The following FSIP2 variants were observed in gnomAD, a reference collection of about 807,000 sequenced individuals.
FSIP2 encodes fibrous sheath interacting protein 2.
Under a neutral mutation model 510.5 loss-of-function variants are expected in FSIP2, and 367 were observed. That is an observed-to-expected ratio of 0.72 (90% confidence interval 0.66 to 0.78). The LOEUF (loss-of-function observed/expected upper bound fraction) is 0.78. FSIP2 is among the 30% of genes least tolerant of loss of function. The pLI, the probability that FSIP2 is intolerant of heterozygous loss-of-function variation, is 0.00. For missense variants in FSIP2, 7,594 were observed against 7,901.7 expected, an observed-to-expected ratio of 0.96 and a Z score of 1.48; for synonymous variants, 2,601 against 2,732.2, an observed-to-expected ratio of 0.95 and a Z score of 1.50.
Position 185,790,867 on chromosome 2 carries a change from C to G in FSIP2, c.3731C>G (p.Pro1244Arg). 6.5e-7 allele frequency: 1 copy of G among 1,532,358 alleles called. No homozygotes were observed. Among genetic ancestry groups the G allele is most frequent in the African/African-American group, 1.4e-5 (1 of 72,862 alleles). The allele number at this position is 1,532,358 out of a possible 1,614,324, so 94.9% of individuals were successfully genotyped here. The change falls in exon 16 of 23, where the codon CCC (proline) becomes CGC (arginine). Residue 1244 changes from proline (P) to arginine (R), a missense_variant. Pro to Arg is a moderately radical substitution (Grantham distance 103, BLOSUM62 -2). Coordinates refer to ENST00000424728, the MANE Select transcript of FSIP2 (RefSeq NM_173651.4). ...SLFDVDPEKP[P>R]WLKSGKSEPK... ...TTTGACGTTGATCCTGAAAAGCCTC[C>G]CTGGTTAAAATCTGGAAAAAGTGAA...
chr2:185,780,675 C>CTGTT (rs1283923993), intron 13 of FSIP2, among the ~76,000 whole-genome samples: 2 of 151,590 alleles, frequency 1.3e-5, no homozygotes, highest in African/African-American at 4.8e-5. Context: ...GTTTTTGTTT[C>CTGTT]TGTTAAAAGC....
In FSIP2 at chr2:185,782,616, C is replaced by G. The variant is rs910367762; in HGVS notation, c.1412-89C>G. The G allele has an allele frequency of 3.8e-6, 3 of 794,096 alleles. No individual in the cohort carries two copies. In the African/African-American group the frequency reaches 5.1e-5, roughly 14 times the overall value. 49.2% of individuals were successfully genotyped at this position (794,096 alleles called of 1,614,324 possible). A position where few individuals can be genotyped will look rare whatever the true frequency, so the allele number is the denominator to read the frequency against. On this transcript the variant is annotated intron_variant, in intron 13 of 22. Coordinates refer to ENST00000424728, the MANE Select transcript of FSIP2 (RefSeq NM_173651.4). ...AAGCCTGTAAACGAGGCAGTGATAA[C>G]AGAAAATAAATACCTACTGGAGGAT...
Position 185,801,050 on chromosome 2 carries a change from C to T in FSIP2, c.11744C>T (p.Ser3915Phe). The T allele has an allele frequency of 1.3e-6, 2 of 1,532,150 alleles. No homozygotes were observed. Among genetic ancestry groups the T allele is most frequent in the Non-Finnish European group, 1.7e-6 (2 of 1,144,264 alleles). The allele number at this position is 1,532,150 out of a possible 1,614,324, so 94.9% of individuals were successfully genotyped here. The stretch of plus-strand genomic sequence containing the variant: ...TATGATAGTAATTCTTTGACAGTAT[C>T]CCTGAATAATCCCAGTGTGGTTAGC... ...RSYDSNSLTVSLNNPSVVSSK... is the reference protein window; with the variant it reads ...RSYDSNSLTVFLNNPSVVSSK... The change falls in exon 17 of 23, where the codon TCC (serine) becomes TTC (phenylalanine). Residue 3915 changes from serine to phenylalanine, a missense_variant. Physicochemically the swap from Ser to Phe is radical, Grantham distance 155. Coordinates refer to ENST00000424728, the MANE Select transcript of FSIP2 (RefSeq NM_173651.4).
chr2:185,738,882 GGCTGT>G lies in FSIP2; in HGVS notation c.-10_-6del. ...GGGCGGGTGAGGAAGGGGCTGAGGGGGCTGTGCCGGCCATGGAGCTGTACCTCGGC... is the reference window on the plus strand; with the variant it reads ...GGGCGGGTGAGGAAGGGGCTGAGGGGGCCGGCCATGGAGCTGTACCTCGGC... On this transcript the variant is annotated 5_prime_UTR_variant, in exon 1 of 23. Transcript: ENST00000424728. The G allele has an allele frequency of 6.5e-7, 1 of 1,535,534 alleles. No homozygotes were observed. The highest frequency in any genetic ancestry group is 1.2e-5 in the South Asian group (1 of 84,038).
intron 21 of FSIP2, among the ~76,000 whole-genome samples, chr2:185,831,437 T>C (rs866693209): frequency 1.5e-4 from 23 of 151,954 alleles, no homozygotes; most frequent in African/African-American, 5.6e-4. Context: ...AAAGTAAACA[T>C]TCTTTTTTCT....
At chr2:185,754,506 A>T (rs1351189415) in intron 8 of FSIP2, among the ~76,000 whole-genome samples, 1 of 151,266 alleles carries the variant, frequency 6.6e-6, no homozygotes, top group Non-Finnish European at 1.5e-5. Context: ...TTCCTGTGTC[A>T]CTCCAGTAGA....
In FSIP2 at chr2:185,821,639, A is replaced by G. The variant is rs192054841; in HGVS notation, c.20427-2795A>G. Among the ~76,000 whole-genome samples, 465 of 151,882 alleles carry G rather than the reference A, an allele frequency of 3.1e-3. 3 individuals carry two copies. Among genetic ancestry groups the G allele is most frequent in the Non-Finnish European group, 5.1e-3 (349 of 67,840 alleles). On this transcript the variant is annotated intron_variant, in intron 19 of 22. Transcript: ENST00000424728. ...AGTTTCAACATACAAAAATCAATCA[A>G]TAGGCCAGGCACAGTGACTCATGCC...
chr2:185,784,845 G>A (rs954915636), intron 14 of FSIP2, among the ~76,000 whole-genome samples: 2 of 151,758 alleles, frequency 1.3e-5, no homozygotes, highest in African/African-American at 2.4e-5. Context: ...TTTTTCTTTC[G>A]CCAGTTTACT....
chr2:185,744,355 A>G lies in FSIP2; in HGVS notation c.421A>G (p.Arg141Gly). The stretch of plus-strand genomic sequence containing the variant: ...TACCTTGAGAGAATTGAATAAGTAC[A>G]GGCAATATCTTACCAGTTTAAAATT... Reference protein sequence around the residue: ...VCTLRELNKYRQYLTSLKLDF... With the variant: ...VCTLRELNKYGQYLTSLKLDF... The change falls in exon 4 of 23, where the codon AGG becomes GGG. Residue 141 changes from arginine (R) to glycine (G), a missense_variant. By Grantham distance (125) the Arg-to-Gly change is moderately radical. Transcript: ENST00000424728. The G allele has an allele frequency of 8.0e-7, 1 of 1,254,932 alleles. No individual in the cohort carries two copies. The highest frequency in any genetic ancestry group is 3.0e-5 in the East Asian group (1 of 33,782). The allele number at this position is 1,254,932 out of a possible 1,614,324, so 77.7% of individuals were successfully genotyped here. A position where few individuals can be genotyped will look rare whatever the true frequency, so the allele number is the denominator to read the frequency against.
intron 14 of FSIP2, among the ~76,000 whole-genome samples, chr2:185,783,349 G>A (rs1162080974): frequency 6.6e-6 from 1 of 152,128 alleles, no homozygotes; most frequent in Non-Finnish European, 1.5e-5. Context: ...AGAAAAGAAA[G>A]AGAGGAAAAC....
At chr2:185,758,663 A>AC (rs952261444) in intron 9 of FSIP2, among the ~76,000 whole-genome samples, 4 of 150,980 alleles carry the variant, frequency 2.6e-5, no homozygotes, top group African/African-American at 9.7e-5. Flanking sequence ...TTTTGGCTTA[A>AC]CCCTAGTGGT....
At chr2:185,759,291 T>G (rs1692303640) in intron 9 of FSIP2, among the ~76,000 whole-genome samples, 1 of 149,798 alleles carries the variant, frequency 6.7e-6, no homozygotes, top group South Asian at 2.1e-4. Context: ...AATCTGCTCC[T>G]TTTTTCTGTT....
At chr2:185,785,594 G>T (rs969445939) in intron 14 of FSIP2, among the ~76,000 whole-genome samples, 2 of 151,934 alleles carry the variant, frequency 1.3e-5, no homozygotes, top group Non-Finnish European at 2.9e-5. Context: ...TTATTTTTAT[G>T]ATTGAGCTAT....
chr2:185,801,174 C>T lies in FSIP2; in HGVS notation c.11868C>T (p.Ala3956=), dbSNP rs1345182529. ...RQRTKEMDKV[A]IHNKLHQEGI... ...GAACAAAGGAAATGGATAAGGTAGC[C>T]ATTCATAATAAGCTACATCAGGAAG... Residue 3956 remains alanine, a synonymous_variant, in exon 17 of 23, where the codon GCC becomes GCT. Transcript: ENST00000424728. 6.5e-7 allele frequency: 1 copy of T among 1,533,668 alleles called. No individual in the cohort carries two copies. Among genetic ancestry groups the T allele is most frequent in the Admixed American group, 2.0e-5 (1 of 50,818 alleles).
intron 14 of FSIP2, among the ~76,000 whole-genome samples, chr2:185,784,409 T>C (rs1692919692): frequency 6.6e-6 from 1 of 151,982 alleles, no homozygotes; most frequent in African/African-American, 2.4e-5. Flanking sequence ...ATGGTCAAAT[T>C]AGCATACACA....
chr2:185,774,363 G>T (rs1398881307), intron 13 of FSIP2, among the ~76,000 whole-genome samples: 1 of 152,160 alleles, frequency 6.6e-6, no homozygotes, highest in Non-Finnish European at 1.5e-5. Context: ...AACCACCATA[G>T]TATGTTATTG....
chr2:185,792,909 T>A lies in FSIP2; in HGVS notation c.5773T>A (p.Leu1925Ile), dbSNP rs760492945. The A allele has an allele frequency of 6.5e-7, 1 of 1,534,180 alleles. No individual in the cohort carries two copies. Among genetic ancestry groups the A allele is most frequent in the South Asian group, 1.2e-5 (1 of 84,016 alleles). Residue 1925 changes from leucine (L) to isoleucine (I), a missense_variant, in exon 16 of 23, where the codon TTA becomes ATA. Physicochemically the swap from Leu to Ile is conservative, Grantham distance 5. Coordinates refer to ENST00000424728, the MANE Select transcript of FSIP2 (RefSeq NM_173651.4). Reference sequence around the variant, plus strand: ...AGCTGAAGATATTGTACAGGCAATATTAACAAATTTAGAAACTTTTGCTAC... The same window carrying A: ...AGCTGAAGATATTGTACAGGCAATAATAACAAATTTAGAAACTTTTGCTAC... Reference protein sequence around the residue: ...NLAEDIVQAILTNLETFATSK... With the variant: ...NLAEDIVQAIITNLETFATSK...
At chr2:185,811,538 G>GTTTT (rs1372086091) in intron 17 of FSIP2, among the ~76,000 whole-genome samples, 3 of 151,094 alleles carry the variant, frequency 2.0e-5, no homozygotes, top group Non-Finnish European at 2.9e-5. Context: ...TTGTTTGTTT[G>GTTTT]TTTGTTTTTT....
chr2:185,738,497 A>G (rs1168255695), upstream of FSIP2: 8 of 1,069,134 alleles, frequency 7.5e-6, no homozygotes, highest in Non-Finnish European at 1.1e-5. Context: ...ATGGGCAAAA[A>G]CAATCACTCG....
Sources: gnomAD v4.1 joint callset for allele counts (sites outside exome capture counted in the v4.1 genomes callset) on GRCh38, gnomAD v4.1.1 for gene constraint, MANE v1.5 for transcripts, NCBI Gene and HGNC (gene_info 2026-07-23, HGNC 2026-07-21) for gene names.